CUEDC1: variants seen among roughly 807,000 people sequenced by gnomAD.
CUEDC1 encodes CUE domain-containing protein 1.
In CUEDC1, 30 loss-of-function variants were observed where a neutral mutation model predicts 43.7. The ratio of observed to expected loss-of-function variants is 0.69; its 90% CI spans 0.51 to 0.93. The LOEUF (loss-of-function observed/expected upper bound fraction) is 0.93. CUEDC1 is among the 40% of genes least tolerant of loss of function. The pLI is 0.00. For missense variants in CUEDC1, 486 were observed against 549.0 expected (o/e 0.89, Z 1.15); for synonymous variants, 223 against 223.6 (o/e 1.00, Z 0.02).
chr17:57,870,136 G>T (rs1056516921), intron 6 of CUEDC1, among the ~76,000 whole-genome samples: 8 of 152,318 alleles, frequency 5.3e-5, no homozygotes, highest in Admixed American at 3.3e-4. Context: ...ATGATGCAAG[G>T]TCTATTCCAG....
At chr17:57,872,961 C>T (rs2074057251) in intron 4 of CUEDC1, 106 bp from the exon 5 acceptor site, 3 of 1,078,596 alleles carry the variant, frequency 2.8e-6, no homozygotes, top group Admixed American at 5.3e-5. Flanking sequence ...CATCCTCCAG[C>T]CCTCACCTGA....
intron 1 of CUEDC1, among the ~76,000 whole-genome samples, chr17:57,906,864 T>C (rs1277747569): frequency 6.6e-6 from 1 of 151,408 alleles, no homozygotes; most frequent in Non-Finnish European, 1.5e-5. Context: ...CCCAGCTACT[T>C]TGAGGCTGAG....
chr17:57,955,386 T>A lies in CUEDC1; in HGVS notation c.-477A>T, dbSNP rs2075047850. On this transcript the variant is annotated 5_prime_UTR_variant, in exon 1 of 11. In the 5' UTR this introduces an upstream ATG that the reference lacks. Transcript: ENST00000577830. This position sits in a 1 kb window ranked among gnomAD's most constrained non-coding sequence, Gnocchi z 5.3. ...GCGGAGAAAGTGAGGCGAGGCCGGC[T>A]TCCTAGCGGCGGGCGGCGAGAAATG... is the stretch of plus-strand genomic sequence containing the variant. 1 of 148,052 alleles carries A rather than the reference T, an allele frequency of 6.8e-6. No individual in the cohort carries two copies. The highest frequency in any genetic ancestry group is 1.5e-5 in the Non-Finnish European group (1 of 66,444). 9.2% of individuals were successfully genotyped at this position (148,052 alleles called of 1,614,324 possible). A position where few individuals can be genotyped will look rare whatever the true frequency, so the allele number is the denominator to read the frequency against.
At chr17:57,921,566 T>A (rs770745342) in intron 1 of CUEDC1, among the ~76,000 whole-genome samples, 2 of 152,222 alleles carry the variant, frequency 1.3e-5, no homozygotes, top group African/African-American at 2.4e-5. Flanking sequence ...GGGCTATTTC[T>A]CAATGTCTGG....
chr17:57,914,090 A>AT (rs1474276863), intron 1 of CUEDC1, among the ~76,000 whole-genome samples: 1 of 152,040 alleles, frequency 6.6e-6, no homozygotes, highest in African/African-American at 2.4e-5. Context: ...GGAAGGCGGG[A>AT]TTTTTTGGAT....
At position 57,879,673 on chromosome 17, in the gene CUEDC1, T is replaced by G. The variant is rs981578956; in HGVS notation, c.402A>C (p.Pro134=). The G allele has an allele frequency of 1.0e-5, 16 of 1,603,052 alleles. No homozygotes were observed. Among genetic ancestry groups the G allele is most frequent in the Non-Finnish European group, 1.4e-5 (16 of 1,176,156 alleles). ...GGTCGAACACGTGCATGTGGTAGGC[T>G]GGCGGGGAGTACACAGGTGGGGGCT... is the stretch of plus-strand genomic sequence containing the variant. ...DEEPPPVYSP[P]AYHMHVFDRP... Residue 134 remains proline (P), a synonymous_variant, in exon 3 of 11, where the codon CCA becomes CCC. Transcript: ENST00000577830.
At chr17:57,919,042 AG>A (rs1384549267) in intron 1 of CUEDC1, among the ~76,000 whole-genome samples, 1 of 151,160 alleles carries the variant, frequency 6.6e-6, no homozygotes, top group Non-Finnish European at 1.5e-5. Context: ...TAGTAGAGAC[AG>A]GGTTTCTCCA....
rs151297848 is a variant in CUEDC1, at chr17:57,885,343, G to T, written c.222C>A (p.Ser74Arg). 2 of 1,611,912 alleles carry T rather than the reference G, an allele frequency of 1.2e-6. No individual in the cohort carries two copies. The highest frequency in any genetic ancestry group is 4.5e-5 in the East Asian group (2 of 44,858). The change falls in exon 2 of 11, where the codon AGC becomes AGA. Residue 74 changes from serine (S) to arginine (R), a missense_variant. By Grantham distance (110) the Ser-to-Arg change is moderately radical. Transcript: ENST00000577830. Reference protein sequence around the residue: ...DIIECVLRANSGAVDATIDQL... With the variant: ...DIIECVLRANRGAVDATIDQL... The stretch of plus-strand genomic sequence containing the variant: ...GGTCGATGGTGGCGTCCACAGCGCC[G>T]CTGTTGGCGCGCAGCACGCATTCGA...
intron 1 of CUEDC1, among the ~76,000 whole-genome samples, chr17:57,899,262 C>G (rs1256364149): frequency 6.6e-6 from 1 of 152,170 alleles, no homozygotes; most frequent in Non-Finnish European, 1.5e-5. Flanking sequence ...TGCACCCCCC[C>G]AACCACAGAC....
chr17:57,893,413 C>T (rs1284137176), intron 1 of CUEDC1, among the ~76,000 whole-genome samples: 1 of 149,058 alleles, frequency 6.7e-6, no homozygotes, highest in African/African-American at 2.4e-5. Context: ...TCCTCCTGCC[C>T]CTGCAAAGGC....
intron 1 of CUEDC1, among the ~76,000 whole-genome samples, chr17:57,887,125 A>G (rs2074301083): frequency 6.6e-6 from 1 of 151,794 alleles, no homozygotes; most frequent in South Asian, 2.1e-4. Context: ...CCGGCCATAA[A>G]TTCTGTTCTT....
At position 57,862,975 on chromosome 17, in the gene CUEDC1, T is replaced by C. The variant is rs1243522012; in HGVS notation, c.*314A>G. ...TCTGCTTTCTGGATTTTTTTTTTTT[T>C]AAAGGGAGGTTGGTTCCTGCATTTC... On this transcript the variant is annotated 3_prime_UTR_variant, in exon 11 of 11. Transcript: ENST00000577830. 2.0e-5 allele frequency: 3 copies of C among 152,198 alleles called. No individual in the cohort carries two copies. In the South Asian group the frequency reaches 6.2e-4, roughly 32 times the overall value. The allele number at this position is 152,198 out of a possible 1,614,324, so 9.4% of individuals were successfully genotyped here.
At chr17:57,905,102 G>C (rs1421341621) in intron 1 of CUEDC1, among the ~76,000 whole-genome samples, 1 of 152,098 alleles carries the variant, frequency 6.6e-6, no homozygotes, top group African/African-American at 2.4e-5. Flanking sequence ...CTTTACAGGT[G>C]GCCTTTTGCC....
chr17:57,877,111 C>T (rs963045122), intron 3 of CUEDC1, among the ~76,000 whole-genome samples: 1 of 152,186 alleles, frequency 6.6e-6, no homozygotes, highest in African/African-American at 2.4e-5. Flanking sequence ...GCATCCACTC[C>T]CAGCCCAGCA....
chr17:57,901,233 A>C (rs888645637), intron 1 of CUEDC1, among the ~76,000 whole-genome samples: 2 of 152,216 alleles, frequency 1.3e-5, no homozygotes, highest in Non-Finnish European at 2.9e-5. Context: ...AGGACTAAAT[A>C]ATCTCCAAGA....
At chr17:57,910,855 C>T (rs2074575453) in intron 1 of CUEDC1, among the ~76,000 whole-genome samples, 1 of 152,028 alleles carries the variant, frequency 6.6e-6, no homozygotes, top group African/African-American at 2.4e-5. Flanking sequence ...GCATGAGACC[C>T]AGTGTGTCAC....
At chr17:57,887,349 G>A (rs2144972471) in intron 1 of CUEDC1, among the ~76,000 whole-genome samples, 1 of 152,306 alleles carries the variant, frequency 6.6e-6, no homozygotes, top group Middle Eastern at 3.4e-3. Flanking sequence ...CACTGGGAAT[G>A]GAATGCGCCT....
intron 1 of CUEDC1, among the ~76,000 whole-genome samples, chr17:57,942,078 G>A (rs1053286578): frequency 4.6e-5 from 7 of 152,216 alleles, no homozygotes; most frequent in South Asian, 4.1e-4. Context: ...CCCCAGGCTC[G>A]GCTCAGAATC....
At chr17:57,904,281 C>T (rs1173595731) in intron 1 of CUEDC1, among the ~76,000 whole-genome samples, 3 of 152,130 alleles carry the variant, frequency 2.0e-5, no homozygotes, top group Non-Finnish European at 2.9e-5. Flanking sequence ...ACCATCCTCA[C>T]GGGCACCCAG....
Sources: allele counts gnomAD v4.1 joint callset (sites outside exome capture counted in the v4.1 genomes callset), GRCh38; gene constraint gnomAD v4.1.1; non-coding constraint Gnocchi (gnomAD v3.1); transcripts MANE v1.5; gene names NCBI Gene and HGNC (gene_info 2026-07-23, HGNC 2026-07-21).